The following BLMH variants were observed in gnomAD, a reference collection of about 807,000 sequenced individuals.
BLMH encodes the protein BLM hydrolase.
Under a neutral mutation model 61.6 loss-of-function variants are expected in BLMH, and 32 were observed. The observed-to-expected ratio is 0.52, with a 90% CI of 0.39 to 0.70. The LOEUF is 0.70. Among genes scored for constraint, BLMH ranks in the 30% least tolerant of loss-of-function variants. BLMH has a pLI of 0.00. For synonymous variants in BLMH, 183 were observed against 193.8 expected (o/e 0.94, Z 0.46); for missense variants, 460 against 555.5 (o/e 0.83, Z 1.73).
intron 10 of BLMH, among the ~76,000 whole-genome samples, chr17:30,271,013 T>C (rs1051100422): frequency 3.3e-5 from 5 of 152,250 alleles, no homozygotes; most frequent in African/African-American, 9.6e-5. Context: ...CTTTAAACCA[T>C]GACCTTCCAA....
intron 6 of BLMH, among the ~76,000 whole-genome samples, chr17:30,278,849 TC>T (rs1165909542): frequency 7.9e-5 from 12 of 152,182 alleles, no homozygotes; most frequent in Admixed American, 7.9e-4. Flanking sequence ...TTTTGTATTT[TC>T]GGTAGAGACA....
intron 6 of BLMH, 129 bp downstream of exon 6, chr17:30,285,259 A>G: frequency 3.0e-6 from 2 of 670,520 alleles, no homozygotes; most frequent in East Asian, 2.9e-5. Context: ...TCAGTGTAAA[A>G]TAAGTAATTT....
intron 11 of BLMH, among the ~76,000 whole-genome samples, chr17:30,263,022 T>C (rs1323864265): frequency 2.6e-5 from 4 of 152,168 alleles, no homozygotes; most frequent in Non-Finnish European, 5.9e-5. Context: ...ATGTCAGACA[T>C]TTACATAACA....
chr17:30,286,724 G>A (rs572006408), intron 5 of BLMH, 90 bp downstream of exon 5: 3 of 874,652 alleles, frequency 3.4e-6, no homozygotes, highest in East Asian at 2.5e-5. Context: ...TACACAAACT[G>A]TATACAGAGA....
chr17:30,252,024 C>T (rs1907681522), intron 11 of BLMH: 1 of 151,986 alleles, frequency 6.6e-6, no homozygotes. Flanking sequence ...TCTAGATTTG[C>T]AGAAGACAGC....
Position 30,266,885 on chromosome 17 carries a change from C to A in BLMH, c.1216G>T (p.Gly406Cys). ...NSWGEDHGHK[G>C]YLCMTDEWFS... is the part of the protein sequence containing the mutation. ...GTTAGTATTACCAAACTGAGCTCAC[C>A]TTTGTGGCCATGGTCTTCACCCCAT... Residue 406 changes from glycine to cysteine, a missense_variant and splice_region_variant, in exon 11 of 12, where the codon GGT becomes TGT. Physicochemically the swap from Gly to Cys is radical, Grantham distance 159. Around this residue, in one of 5 missense-constraint regions of BLMH, gnomAD observed 310 missense variants for 371.1 expected, o/e 0.84. Coordinates refer to ENST00000261714, the MANE Select transcript of BLMH (RefSeq NM_000386.4). The A allele has an allele frequency of 6.2e-7, 1 of 1,614,020 alleles. No homozygotes were observed. Among genetic ancestry groups the A allele is most frequent in the Non-Finnish European group, 8.5e-7 (1 of 1,179,914 alleles).
At chr17:30,287,687 AT>A in intron 4 of BLMH, 118 bp downstream of exon 4, 1 of 1,175,176 alleles carries the variant, frequency 8.5e-7, no homozygotes, top group South Asian at 1.7e-5. Flanking sequence ...AAATAACTAT[AT>A]ATCCTTCTTG....
At chr17:30,258,525 T>G (rs1907875545) in intron 11 of BLMH, among the ~76,000 whole-genome samples, 1 of 152,134 alleles carries the variant, frequency 6.6e-6, no homozygotes, top group Admixed American at 6.5e-5. Flanking sequence ...TGTTTTGGCT[T>G]GTGGTTTGTA....
At chr17:30,275,078 G>A (rs1041790279) in intron 6 of BLMH, among the ~76,000 whole-genome samples, 6 of 151,702 alleles carry the variant, frequency 4.0e-5, no homozygotes, top group Middle Eastern at 3.4e-3. Flanking sequence ...CTAGCCAGGC[G>A]TGGTGGCCTG....
intron 11 of BLMH, among the ~76,000 whole-genome samples, chr17:30,254,966 T>TA (rs749849519): frequency 7.9e-5 from 12 of 152,218 alleles, no homozygotes; most frequent in Non-Finnish European, 1.5e-4. Context: ...GATAATGAAA[T>TA]ACATCTATCT....
chr17:30,287,815 T>C lies in BLMH; in HGVS notation c.454A>G (p.Asn152Asp), dbSNP rs1908772530. Reference sequence around the variant, plus strand: ...AAGAAAGAACTTTTACCAACAATATTAACAAGCATATCCCATTGGCCACCA... The same window carrying C: ...AAGAAAGAACTTTTACCAACAATATCAACAAGCATATCCCATTGGCCACCA... Reference protein sequence around the residue: ...NDGGQWDMLVNIVEKYGVIPK... With the variant: ...NDGGQWDMLVDIVEKYGVIPK... The change falls in exon 4 of 12, where the codon AAT (asparagine) becomes GAT (aspartate). Residue 152 changes from asparagine (N) to aspartate (D), a missense_variant. Asn to Asp is a conservative substitution (Grantham distance 23). Transcript: ENST00000261714. The C allele has an allele frequency of 1.9e-6, 3 of 1,613,498 alleles. No individual in the cohort carries two copies. The South Asian group carries it at 3.3e-5, about 18-fold the overall frequency.
At chr17:30,263,401 G>T (rs182685504) in intron 11 of BLMH, among the ~76,000 whole-genome samples, 1 of 151,980 alleles carries the variant, frequency 6.6e-6, no homozygotes, top group African/African-American at 2.4e-5. Context: ...ATCAAATCCC[G>T]AAGTCTGTTC....
At position 30,291,462 on chromosome 17, in the gene BLMH, G is replaced by A. The variant is rs753914356; in HGVS notation, c.60C>T (p.Ser20=). 5.6e-6 allele frequency: 9 copies of A among 1,614,046 alleles called. No homozygotes were observed. Among genetic ancestry groups the A allele is most frequent in the African/African-American group, 1.3e-5 (1 of 74,920 alleles). Reference sequence around the variant, plus strand: ...TCTGGGCAAGTACGAACTGGGGGTCGGAATTCAGTTTCTGTATCAGAGCAG... The same window carrying A: ...TCTGGGCAAGTACGAACTGGGGGTCAGAATTCAGTTTCTGTATCAGAGCAG... ...KVAALIQKLN[S]DPQFVLAQNV... Residue 20 remains serine, a synonymous_variant, in exon 2 of 12, where the codon TCC becomes TCT. Coordinates refer to ENST00000261714, the MANE Select transcript of BLMH (RefSeq NM_000386.4).
At position 30,249,014 on chromosome 17, in the gene BLMH, G is replaced by A; in HGVS notation, c.*3C>T. The A allele has an allele frequency of 6.2e-7, 1 of 1,613,896 alleles. No individual in the cohort carries two copies. Among genetic ancestry groups the A allele is most frequent in the Non-Finnish European group, 8.5e-7 (1 of 1,179,880 alleles). On this transcript the variant is annotated 3_prime_UTR_variant, in exon 12 of 12. Transcript: ENST00000261714. Reference sequence around the variant, plus strand: ...GGAAGGAGGAAAGAGCTGGAGGGCAGTATCACTCAGCCAAAGCTCCCATGG... The same window carrying A: ...GGAAGGAGGAAAGAGCTGGAGGGCAATATCACTCAGCCAAAGCTCCCATGG...
intron 10 of BLMH, among the ~76,000 whole-genome samples, chr17:30,269,058 A>G (rs1431268155): frequency 6.6e-6 from 1 of 151,352 alleles, no homozygotes; most frequent in Non-Finnish European, 1.5e-5. Flanking sequence ...CAAAAAAACA[A>G]CAACAAAAAA....
At chr17:30,286,567 C>G (rs910555997) in intron 5 of BLMH, among the ~76,000 whole-genome samples, 1 of 152,124 alleles carries the variant, frequency 6.6e-6, no homozygotes, top group Non-Finnish European at 1.5e-5. Flanking sequence ...ACTTTATTTC[C>G]TAACTATCCC....
intron 11 of BLMH, among the ~76,000 whole-genome samples, chr17:30,251,001 A>G (rs1034246439): frequency 6.6e-6 from 1 of 152,228 alleles, no homozygotes; most frequent in African/African-American, 2.4e-5. Context: ...ACCAAATATC[A>G]TATGTTCTCA....
intron 11 of BLMH, among the ~76,000 whole-genome samples, chr17:30,261,351 G>A (rs1907954283): frequency 6.6e-6 from 1 of 152,166 alleles, no homozygotes; most frequent in Non-Finnish European, 1.5e-5. Context: ...CTACTCTGAT[G>A]TCATGAGGAG....
Position 30,285,284 on chromosome 17 carries a change from C to T in BLMH, c.645+104G>A. ...ATAAGTAATTTTCAATTCAATTAAA[C>T]ATTCGTTGCCATGACTAAAGCTTCC... On this transcript the variant is annotated intron_variant, in intron 6 of 11. Transcript: ENST00000261714. 3 of 771,342 alleles carry T rather than the reference C, an allele frequency of 3.9e-6. No homozygotes were observed. In the South Asian group the frequency reaches 6.7e-5, roughly 17 times the overall value. The allele number at this position is 771,342 out of a possible 1,614,324, so 47.8% of individuals were successfully genotyped here.
Sources: gnomAD v4.1 joint callset for allele counts (sites outside exome capture counted in the v4.1 genomes callset) on GRCh38, gnomAD v4.1.1 for gene constraint, gnomAD v4.1.1 regional missense constraint, MANE v1.5 for transcripts, NCBI Gene and HGNC (gene_info 2026-07-23, HGNC 2026-07-21) for gene names.